NRG2: variants seen among roughly 807,000 people sequenced by gnomAD.
The protein encoded by NRG2 is pro-neuregulin-2, membrane-bound isoform.
A neutral mutation model predicts 73.9 loss-of-function variants in NRG2; 27 were observed. That is an observed-to-expected ratio of 0.37 (90% CI 0.27 to 0.50). NRG2 has a LOEUF of 0.50. Among genes scored for constraint, NRG2 ranks in the 20% least tolerant of loss-of-function variants. The pLI is 0.96. For synonymous variants in NRG2, 532 were observed against 541.0 expected (o/e 0.98, Z 0.23); for missense variants, 1,126 against 1,210.1 (o/e 0.93, Z 1.03).
chr5:139,944,153 G>T (rs563093232), intron 1 of NRG2, among the ~76,000 whole-genome samples: 1 of 151,736 alleles, frequency 6.6e-6, no homozygotes, highest in African/African-American at 2.4e-5. Flanking sequence ...ACTCTCAGAT[G>T]ATACGATCTT....
At chr5:139,960,490 G>A (rs1229136701) in intron 1 of NRG2, among the ~76,000 whole-genome samples, 1 of 152,156 alleles carries the variant, frequency 6.6e-6, no homozygotes, top group Non-Finnish European at 1.5e-5. Context: ...ACTCCAGCCT[G>A]GGCAACAGCG....
At chr5:139,901,532 G>C (rs1454854419) in intron 1 of NRG2, among the ~76,000 whole-genome samples, 1 of 152,214 alleles carries the variant, frequency 6.6e-6, no homozygotes, top group East Asian at 1.9e-4. Flanking sequence ...CTAAAGAAGG[G>C]AGTTTGTTTT....
At position 139,880,943 on chromosome 5, in the gene NRG2, T is replaced by A. The variant is rs1294568889; in HGVS notation, c.904A>T (p.Lys302Ter). Residue 302 changes from lysine (K) to a stop codon, truncating the protein, a stop_gained, in exon 3 of 10, where the codon AAG (lysine) becomes TAG (stop). Coordinates refer to ENST00000361474, the MANE Select transcript of NRG2 (RefSeq NM_004883.3). LOFTEE classifies it high-confidence loss of function. ...ACATACTCCCCAGCGTCCTCCACCT[T>A]CACCTTGTTGAACTGTAGTCGTGAG... is the stretch of plus-strand genomic sequence containing the variant. The part of the protein sequence containing the change: ...KNSRLQFNKV[K>*]VEDAGEYVCE... The A allele has an allele frequency of 6.2e-7, 1 of 1,614,138 alleles. No individual in the cohort carries two copies.
chr5:139,900,247 G>A (rs1050716389), intron 1 of NRG2, among the ~76,000 whole-genome samples: 5 of 152,214 alleles, frequency 3.3e-5, no homozygotes. Context: ...ATCATAGGTA[G>A]TTGTATAAGG....
intron 1 of NRG2, among the ~76,000 whole-genome samples, chr5:140,038,210 T>G (rs1207177383): frequency 6.6e-6 from 1 of 152,168 alleles, no homozygotes; most frequent in African/African-American, 2.4e-5. Flanking sequence ...GGAAGCACAC[T>G]TGCTTTGATT....
chr5:140,023,759 C>T (rs2126673873), intron 1 of NRG2, among the ~76,000 whole-genome samples: 1 of 152,306 alleles, frequency 6.6e-6, no homozygotes, highest in Admixed American at 6.5e-5. Context: ...ATGCTGTGAT[C>T]ACAGATGGTG....
chr5:139,861,533 C>T (rs1762143065), intron 5 of NRG2, among the ~76,000 whole-genome samples: 2 of 152,246 alleles, frequency 1.3e-5, no homozygotes, highest in African/African-American at 4.8e-5. Flanking sequence ...AGAGACCACA[C>T]CAATGAAGCA....
chr5:140,031,279 G>A (rs1761129001), intron 1 of NRG2, among the ~76,000 whole-genome samples: 1 of 152,210 alleles, frequency 6.6e-6, no homozygotes, highest in Non-Finnish European at 1.5e-5. Context: ...TGGGAGAGGT[G>A]AAGCCTCAGG....
In NRG2 at chr5:139,848,672, C is replaced by T. The variant is rs971234894; in HGVS notation, c.1798G>A (p.Ala600Thr). Residue 600 changes from alanine (A) to threonine (T), a missense_variant, in exon 10 of 10, where the codon GCG becomes ACG. This residue lies in a region of NRG2 where 539 missense variants were observed against 703.2 expected (regional missense o/e 0.77). Transcript: ENST00000361474. ...ERYVSALTTP[A>T]RLSPVDFHYS... Reference sequence around the variant, plus strand: ...TGGAAGTCCACGGGCGAGAGGCGCGCGGGCGTGGTCAGGGCCGACACGTAC... The same window carrying T: ...TGGAAGTCCACGGGCGAGAGGCGCGTGGGCGTGGTCAGGGCCGACACGTAC... The T allele has an allele frequency of 1.3e-6, 2 of 1,543,742 alleles. No individual in the cohort carries two copies. The highest frequency in any genetic ancestry group is 1.7e-6 in the Non-Finnish European group (2 of 1,152,376).
intron 1 of NRG2, chr5:140,019,432 T>C (rs1760046777): frequency 6.6e-6 from 1 of 152,196 alleles, no homozygotes; most frequent in Non-Finnish European, 1.5e-5. Context: ...TAAGAGCAAA[T>C]AATCCCCTTA....
At chr5:139,990,585 C>T (rs967804108) in intron 1 of NRG2, among the ~76,000 whole-genome samples, 1 of 152,174 alleles carries the variant, frequency 6.6e-6, no homozygotes, top group African/African-American at 2.4e-5. Context: ...GGATTACAGG[C>T]TTGAGCCATG....
chr5:139,954,764 T>C lies in NRG2; in HGVS notation c.701-67253A>G, dbSNP rs1410959221. On this transcript the variant is annotated intron_variant, in intron 1 of 9. Transcript: ENST00000361474. This position sits in a 1 kb window ranked among gnomAD's most constrained non-coding sequence, Gnocchi z 5.0. Reference sequence around the variant, plus strand: ...TATCAAATCATTGTTATTCCCCTTTTACATTCCACTCACCTGTGAAATTGG... The same window carrying C: ...TATCAAATCATTGTTATTCCCCTTTCACATTCCACTCACCTGTGAAATTGG... 6.6e-6 allele frequency among the ~76,000 whole-genome samples: 1 copy of C among 152,250 alleles called. No homozygotes were observed. Among genetic ancestry groups the C allele is most frequent in the Non-Finnish European group, 1.5e-5 (1 of 68,052 alleles).
At chr5:139,914,553 C>T (rs909656197) in intron 1 of NRG2, among the ~76,000 whole-genome samples, 7 of 152,216 alleles carry the variant, frequency 4.6e-5, no homozygotes, top group African/African-American at 1.4e-4. Flanking sequence ...CTGCCAAATT[C>T]CCCAGGACAC....
intron 1 of NRG2, among the ~76,000 whole-genome samples, chr5:139,985,012 C>T (rs1333168974): frequency 6.6e-6 from 1 of 152,162 alleles, no homozygotes; most frequent in African/African-American, 2.4e-5. Context: ...TAGGGCCAAA[C>T]ACCTGGGAAG....
intron 5 of NRG2, among the ~76,000 whole-genome samples, chr5:139,862,506 G>A (rs923987757): frequency 1.3e-5 from 2 of 152,250 alleles, no homozygotes; most frequent in Admixed American, 6.5e-5. Flanking sequence ...AAATTTGCAT[G>A]TTGACCAGTA....
chr5:139,987,510 G>A (rs762180534), intron 1 of NRG2, among the ~76,000 whole-genome samples: 7 of 152,020 alleles, frequency 4.6e-5, no homozygotes, highest in Non-Finnish European at 1.0e-4. Context: ...TAACTGGGAC[G>A]ATCCCAGCCA....
At chr5:139,926,889 C>T (rs1328234172) in intron 1 of NRG2, among the ~76,000 whole-genome samples, 5 of 152,214 alleles carry the variant, frequency 3.3e-5, no homozygotes, top group Admixed American at 1.3e-4. Flanking sequence ...CTACTTACAA[C>T]GTTCTTTCCA....
chr5:140,002,524 T>C lies in NRG2; in HGVS notation c.700+39846A>G, dbSNP rs760648049. Among the ~76,000 whole-genome samples, 82 of 152,210 alleles carry C rather than the reference T, an allele frequency of 5.4e-4. 1 individual carries two copies. Among genetic ancestry groups the C allele is most frequent in the South Asian group, 8.3e-4 (4 of 4,816 alleles). ...AGAGTGAACAATAAATACCAAAAGC[T>C]GGAGACAGGAACATGTCTGACAGGT... On this transcript the variant is annotated intron_variant, in intron 1 of 9. Coordinates refer to ENST00000361474, the MANE Select transcript of NRG2 (RefSeq NM_004883.3).
chr5:139,913,293 G>A (rs1299899352), intron 1 of NRG2, among the ~76,000 whole-genome samples: 1 of 152,168 alleles, frequency 6.6e-6, no homozygotes, highest in Non-Finnish European at 1.5e-5. Context: ...CCCTGCCCCA[G>A]TCACTGAGGC....
Sources: gnomAD v4.1 joint callset for allele counts (sites outside exome capture counted in the v4.1 genomes callset) on GRCh38, gnomAD v4.1.1 for gene constraint, gnomAD v4.1.1 regional missense constraint, Gnocchi (gnomAD v3.1) non-coding constraint, MANE v1.5 for transcripts, NCBI Gene and HGNC (gene_info 2026-07-23, HGNC 2026-07-21) for gene names.